The following SLC25A20 variants were observed in gnomAD, a reference collection of about 807,000 sequenced individuals.
The protein encoded by SLC25A20 is solute carrier family 25 member 20.
In SLC25A20, 29 loss-of-function variants were observed where a neutral mutation model predicts 39.7. The observed-to-expected ratio is 0.73, with a 90% confidence interval of 0.54 to 1.00. SLC25A20 has a LOEUF of 1.00. SLC25A20 is among the 50% of genes least tolerant of loss of function. The probability of loss-of-function intolerance (pLI) is 0.00; values close to 1 mark genes in which losing one functional copy is unlikely to be tolerated. For synonymous variants in SLC25A20, 103 were observed against 142.2 expected (o/e 0.72, Z 1.96); for missense variants, 333 against 379.9 (o/e 0.88, Z 1.03).
chr3:48,897,144 A>G (rs1424275476), intron 1 of SLC25A20, among the ~76,000 whole-genome samples: 1 of 135,908 alleles, frequency 7.4e-6, no homozygotes, highest in African/African-American at 2.8e-5. Context: ...ATTGGAGCCC[A>G]CCCAGCTCAC....
At position 48,874,270 on chromosome 3, in the gene SLC25A20, C is replaced by T. The variant is rs148098708; in HGVS notation, c.417+5088G>A. Among the ~76,000 whole-genome samples, 444 of 151,924 alleles carry T rather than the reference C, an allele frequency of 2.9e-3. 3 individuals carry two copies. The highest frequency in any genetic ancestry group is 9.7e-3 in the African/African-American group (403 of 41,418). ...TTGTGCCACTGTACTCCAACTTGGG[C>T]GACAGAGCAAGACTCCATCTCTAAA... On this transcript the variant is annotated intron_variant, in intron 4 of 8. Coordinates refer to ENST00000319017, the MANE Select transcript of SLC25A20 (RefSeq NM_000387.6).
intron 6 of SLC25A20, among the ~76,000 whole-genome samples, 166 bp downstream of exon 6, chr3:48,859,389 T>C (rs1195030071): frequency 1.3e-5 from 2 of 152,216 alleles, no homozygotes; most frequent in African/African-American, 4.8e-5. Flanking sequence ...TTTGCTCCAC[T>C]GGCTGAGGCA....
intron 4 of SLC25A20, among the ~76,000 whole-genome samples, chr3:48,871,995 T>G (rs1162797579): frequency 7.1e-6 from 1 of 139,948 alleles, no homozygotes; most frequent in African/African-American, 2.7e-5. Flanking sequence ...TTTTTTTTTT[T>G]TTTTTTTTTT....
At chr3:48,859,728 GGGATTGCTTGAGGCCAGGA>G in intron 5 of SLC25A20, 101 bp from the exon 6 acceptor site, 1 of 972,802 alleles carries the variant, frequency 1.0e-6, no homozygotes, top group Non-Finnish European at 1.7e-6. Flanking sequence ...TTGAGGCAGG[GGGATTGCTTGAGGCCAGGA>G]GGTCCGCGCT....
intron 4 of SLC25A20, among the ~76,000 whole-genome samples, chr3:48,873,527 T>C (rs2106647373): frequency 6.6e-6 from 1 of 151,434 alleles, no homozygotes; most frequent in East Asian, 2.0e-4. Context: ...GAGAATGGCA[T>C]GAACCCAGGA....
intron 2 of SLC25A20, among the ~76,000 whole-genome samples, chr3:48,888,858 G>A (rs918679119): frequency 2.0e-5 from 3 of 151,864 alleles, no homozygotes; most frequent in Admixed American, 6.6e-5. Flanking sequence ...AGGCTGAGGC[G>A]GGTGGATCAT....
At chr3:48,894,183 T>TCTC (rs376311170) in intron 1 of SLC25A20, among the ~76,000 whole-genome samples, 1 of 110,276 alleles carries the variant, frequency 9.1e-6, no homozygotes, top group African/African-American at 3.5e-5. Flanking sequence ...AAGAAGAAGA[T>TCTC]TCTCTCTCTC....
At chr3:48,875,877 G>A (rs1290890885) in intron 4 of SLC25A20, among the ~76,000 whole-genome samples, 1 of 152,010 alleles carries the variant, frequency 6.6e-6, no homozygotes, top group Non-Finnish European at 1.5e-5. Context: ...AACTAGCAGG[G>A]CATGGTGATG....
At position 48,878,852 on chromosome 3, in the gene SLC25A20, G is replaced by A. The variant is rs552838095; in HGVS notation, c.417+506C>T. 4.0e-5 allele frequency among the ~76,000 whole-genome samples: 6 copies of A among 151,614 alleles called. No individual in the cohort carries two copies. The East Asian group carries it at 1.2e-3, about 29-fold the overall frequency. ...GATGGGATCCCACTATGTTGCCCAG[G>A]CTGGTTTTTGGTTTTGTTTTGTTTT... On this transcript the variant is annotated intron_variant, in intron 4 of 8. Transcript: ENST00000319017.
chr3:48,883,984 TG>T lies in SLC25A20; in HGVS notation c.326+12del. 6.2e-7 allele frequency: 1 copy of T among 1,612,728 alleles called. No individual in the cohort carries two copies. ...GGCAGAACAGCAAGTGCTCCTGACC[TG>T]TAAGTACTCACCTGAGCACATCTTC... On this transcript the variant is annotated intron_variant, in intron 3 of 8. Transcript: ENST00000319017.
chr3:48,894,364 G>T (rs1387423465), intron 1 of SLC25A20, among the ~76,000 whole-genome samples: 2 of 147,814 alleles, frequency 1.4e-5, no homozygotes, highest in African/African-American at 5.0e-5. Flanking sequence ...GGGTTCAAGT[G>T]ATTCTCCTGT....
At chr3:48,873,968 CAAAAAAAAA>C (rs11316117) in intron 4 of SLC25A20, among the ~76,000 whole-genome samples, 2 of 41,076 alleles carry the variant, frequency 4.9e-5, no homozygotes, top group Admixed American at 4.2e-4. Context: ...GACTCCATCT[CAAAAAAAAA>C]AAAAAAAAAA....
intron 4 of SLC25A20, among the ~76,000 whole-genome samples, chr3:48,875,765 C>A (rs1287811951): frequency 6.6e-6 from 1 of 152,126 alleles, no homozygotes. Context: ...GCCTGTAATC[C>A]CAGCACGTTG....
In SLC25A20 at chr3:48,858,547, C is replaced by A. The variant is rs764658807; in HGVS notation, c.803G>T (p.Gly268Val). 3.1e-6 allele frequency: 5 copies of A among 1,614,098 alleles called. No homozygotes were observed. The highest frequency in any genetic ancestry group is 1.1e-5 in the South Asian group (1 of 91,092). The change falls in exon 8 of 9, where the codon GGG becomes GTG. Residue 268 changes from glycine (G) to valine (V), a missense_variant. By Grantham distance (109) the Gly-to-Val change is moderately radical. Coordinates refer to ENST00000319017, the MANE Select transcript of SLC25A20 (RefSeq NM_000387.6). The stretch of plus-strand genomic sequence containing the variant: ...GGCTCGGATCATCACTGCATTGAAC[C>A]CTTTGTACAAGGATGTGACTCCTTC... ...RDEGVTSLYK[G>V]FNAVMIRAFP...
intron 4 of SLC25A20, among the ~76,000 whole-genome samples, chr3:48,867,413 T>TTTTTTTTC (rs2083679778): frequency 7.2e-6 from 1 of 139,052 alleles, no homozygotes; most frequent in Non-Finnish European, 1.6e-5. Flanking sequence ...CCTGGGTAAT[T>TTTTTTTTC]TTTTTTTTTT....
At chr3:48,883,091 A>C (rs1402592081) in intron 3 of SLC25A20, among the ~76,000 whole-genome samples, 1 of 150,698 alleles carries the variant, frequency 6.6e-6, no homozygotes, top group Non-Finnish European at 1.5e-5. Context: ...GCTAGTTGGA[A>C]GGCTGAGGCA....
At chr3:48,878,273 A>AAAAAAAAT (rs1274688337) in intron 4 of SLC25A20, among the ~76,000 whole-genome samples, 1 of 127,670 alleles carries the variant, frequency 7.8e-6, no homozygotes, top group Non-Finnish European at 1.7e-5. Flanking sequence ...AAAAAAAAAA[A>AAAAAAAAT]ATATATATAT....
chr3:48,866,590 CAA>C (rs2083671175), intron 4 of SLC25A20, among the ~76,000 whole-genome samples: 1 of 151,564 alleles, frequency 6.6e-6, no homozygotes, highest in Non-Finnish European at 1.5e-5. Flanking sequence ...AAACAAGAAA[CAA>C]CTTTTTCAAA....
At chr3:48,878,053 G>A (rs1163779609) in intron 4 of SLC25A20, among the ~76,000 whole-genome samples, 3 of 151,920 alleles carry the variant, frequency 2.0e-5, no homozygotes, top group Admixed American at 1.3e-4. Context: ...ACAAGGTTAA[G>A]AGATAGAGAC....
Sources: gnomAD v4.1 joint callset for allele counts (sites outside exome capture counted in the v4.1 genomes callset) on GRCh38, gnomAD v4.1.1 for gene constraint, MANE v1.5 for transcripts, NCBI Gene and HGNC (gene_info 2026-07-23, HGNC 2026-07-21) for gene names.